Variants in STRN observed in about 807,000 individuals in gnomAD.
STRN encodes protein phosphatase 2 regulatory subunit B'''alpha.
Under a neutral mutation model 96.3 loss-of-function variants are expected in STRN, and 53 were observed. The observed-to-expected ratio is 0.55, with a 90% CI of 0.44 to 0.69. The LOEUF is 0.69. Among genes scored for constraint, STRN ranks in the 30% least tolerant of loss-of-function variants. The probability of loss-of-function intolerance (pLI) is 0.00; values close to 1 mark genes in which losing one functional copy is unlikely to be tolerated. For missense variants in STRN, 987 were observed against 963.9 expected, an observed-to-expected ratio of 1.02 and a Z score of -0.32; for synonymous variants, 428 against 355.9, an observed-to-expected ratio of 1.20 and a Z score of -2.28.
intron 9 of STRN, among the ~76,000 whole-genome samples, chr2:36,880,734 G>C (rs1669048781): frequency 6.6e-6 from 1 of 152,176 alleles, no homozygotes; most frequent in African/African-American, 2.4e-5. Flanking sequence ...TCTTCAGCCA[G>C]GTGTTTTTTG....
Position 36,849,700 on chromosome 2 carries a change from G to A in STRN, c.2173+14C>T, listed in dbSNP as rs781078571. 4 of 1,613,964 alleles carry A rather than the reference G, an allele frequency of 2.5e-6. No individual in the cohort carries two copies. The highest frequency in any genetic ancestry group is 3.4e-6 in the Non-Finnish European group (4 of 1,179,938). ...GGTAAGGACAAATAAATAATCCATAGTTGAGGTACTTACTGCCAGACATCA... is the reference window on the plus strand; with the variant it reads ...GGTAAGGACAAATAAATAATCCATAATTGAGGTACTTACTGCCAGACATCA... On this transcript the variant is annotated intron_variant, in intron 17 of 17. Coordinates refer to ENST00000263918, the MANE Select transcript of STRN (RefSeq NM_003162.4).
chr2:36,860,033 G>C (rs1376364837), intron 13 of STRN, among the ~76,000 whole-genome samples: 1 of 152,096 alleles, frequency 6.6e-6, no homozygotes, highest in African/African-American at 2.4e-5. Flanking sequence ...CTAAACAGAA[G>C]GCAGAGACGG....
At chr2:36,890,734 T>G (rs894733005) in intron 7 of STRN, among the ~76,000 whole-genome samples, 1 of 152,176 alleles carries the variant, frequency 6.6e-6, no homozygotes, top group Non-Finnish European at 1.5e-5. Flanking sequence ...TCCACCCGCC[T>G]CGGCCTCCCA....
intron 1 of STRN, among the ~76,000 whole-genome samples, chr2:36,950,721 G>T (rs984460790): frequency 2.0e-5 from 3 of 152,134 alleles, no homozygotes; most frequent in African/African-American, 7.2e-5. Context: ...AAAAAGCGTA[G>T]AATTTTTTAA....
In STRN at chr2:36,899,549, C is replaced by A; in HGVS notation, c.769G>T (p.Glu257Ter). 6.2e-7 allele frequency: 1 copy of A among 1,612,110 alleles called. No individual in the cohort carries two copies. The highest frequency in any genetic ancestry group is 1.1e-5 in the South Asian group (1 of 90,682). ...GTTGAAGTATCAATGACGCTTTTCT[C>A]TCTTCCATCAACATCATCATCTTCA... ...EDEDDDVDGR[E>*]KSVIDTSTIV... is the part of the protein sequence containing the mutation. Residue 257 changes from glutamate to a stop codon, truncating the protein, a stop_gained, in exon 6 of 18, where the codon GAG becomes TAG. Coordinates refer to ENST00000263918, the MANE Select transcript of STRN (RefSeq NM_003162.4). LOFTEE classifies it high-confidence loss of function.
In STRN at chr2:36,867,825, G is replaced by A. The variant is rs763151379; in HGVS notation, c.1536C>T (p.Phe512=). 3.9e-5 allele frequency: 62 copies of A among 1,584,784 alleles called. No homozygotes were observed. The highest frequency in any genetic ancestry group is 4.7e-5 in the Non-Finnish European group (55 of 1,167,134). ...AAACATATACTTACTTATGGGCTCT[G>A]AATGTATAGATAGGTTCTACATCAA... ...TSLDVEPIYT[F]RAHKGPVLCV... The change falls in exon 12 of 18, where the codon TTC becomes TTT. Residue 512 remains phenylalanine, a synonymous_variant. Transcript: ENST00000263918.
At position 36,894,178 on chromosome 2, in the gene STRN, T is replaced by A. The variant is rs1204033187; in HGVS notation, c.796-145A>T. On this transcript the variant is annotated intron_variant, in intron 6 of 17. Transcript: ENST00000263918. ...TAACTCAGTGAAAATCACATAGTTTTAAAAAATATGTACATTATAAATTTT... is the reference window on the plus strand; with the variant it reads ...TAACTCAGTGAAAATCACATAGTTTAAAAAAATATGTACATTATAAATTTT... 3 of 922,314 alleles carry A rather than the reference T, an allele frequency of 3.3e-6. No homozygotes were observed. The African/African-American group carries it at 5.1e-5, about 16-fold the overall frequency. 57.1% of individuals were successfully genotyped at this position (922,314 alleles called of 1,614,324 possible).
At chr2:36,873,278 AT>A (rs990651016) in intron 10 of STRN, among the ~76,000 whole-genome samples, 1 of 152,270 alleles carries the variant, frequency 6.6e-6, no homozygotes, top group African/African-American at 2.4e-5. Context: ...AACTTTTCAA[AT>A]AACAGTTTCT....
chr2:36,900,060 T>C (rs1669643403), intron 5 of STRN, among the ~76,000 whole-genome samples: 2 of 152,104 alleles, frequency 1.3e-5, no homozygotes, highest in African/African-American at 4.8e-5. Context: ...TGCTAATTTT[T>C]GTATTTTCAG....
Position 36,846,013 on chromosome 2 carries a change from C to G in STRN, c.*3443G>C, listed in dbSNP as rs1668066259. On this transcript the variant is annotated 3_prime_UTR_variant, in exon 18 of 18. Transcript: ENST00000263918. The stretch of plus-strand genomic sequence containing the variant: ...CCCCTCCCCAAACTCAATCTTCATC[C>G]TCACTGTAAGGCTGCATTTTTTTTT... 2 of 57,202 alleles carry G rather than the reference C, an allele frequency of 3.5e-5. No homozygotes were observed. Among genetic ancestry groups the G allele is most frequent in the Non-Finnish European group, 8.4e-5 (2 of 23,938 alleles). The allele number at this position is 57,202 out of a possible 1,614,324, so 3.5% of individuals were successfully genotyped here. A position where few individuals can be genotyped will look rare whatever the true frequency, so the allele number is the denominator to read the frequency against.
rs558521479 is a variant in STRN at position 36,839,905 on chromosome 2, G to C, written c.*9551C>G. 7.2e-5 allele frequency: 11 copies of C among 152,272 alleles called. No homozygotes were observed. The South Asian group carries it at 2.3e-3, about 32-fold the overall frequency. 9.4% of individuals were successfully genotyped at this position (152,272 alleles called of 1,614,324 possible). ...ATTCCTAAAACAATTGCACTGTTCA[G>C]CTAAAGCCCTGGGCCCTGCTGGAGT... On this transcript the variant is annotated 3_prime_UTR_variant, in exon 18 of 18. Coordinates refer to ENST00000263918, the MANE Select transcript of STRN (RefSeq NM_003162.4).
chr2:36,849,417 T>C lies in STRN; in HGVS notation c.*39A>G, dbSNP rs749451672. ...TCTGTATCTCTTGTGTGCAGTTGAT[T>C]ACTTATAAACAGCTAGAAGGTGAAG... On this transcript the variant is annotated 3_prime_UTR_variant, in exon 18 of 18. Transcript: ENST00000263918. 87 of 1,605,514 alleles carry C rather than the reference T, an allele frequency of 5.4e-5. No homozygotes were observed. Among genetic ancestry groups the C allele is most frequent in the Non-Finnish European group, 6.6e-5 (78 of 1,174,940 alleles).
Position 36,842,585 on chromosome 2 carries a change from G to C in STRN, c.*6871C>G, listed in dbSNP as rs1324815509. 1 of 152,150 alleles carries C rather than the reference G, an allele frequency of 6.6e-6. No homozygotes were observed. Among genetic ancestry groups the C allele is most frequent in the Non-Finnish European group, 1.5e-5 (1 of 68,030 alleles). The allele number at this position is 152,150 out of a possible 1,614,324, so 9.4% of individuals were successfully genotyped here. ...TCCTTCCTATCAGTAGGTTATTGCAGACTTTGCTCACCCAAATAATGACTT... is the reference window on the plus strand; with the variant it reads ...TCCTTCCTATCAGTAGGTTATTGCACACTTTGCTCACCCAAATAATGACTT... On this transcript the variant is annotated 3_prime_UTR_variant, in exon 18 of 18. Transcript: ENST00000263918.
chr2:36,939,025 C>T (rs1440115820), intron 1 of STRN, among the ~76,000 whole-genome samples: 4 of 151,214 alleles, frequency 2.6e-5, no homozygotes, highest in Admixed American at 6.6e-5. Context: ...CTTGCTCTGT[C>T]GCCAGGCTGG....
intron 1 of STRN, among the ~76,000 whole-genome samples, chr2:36,957,481 C>T (rs539592696): frequency 1.3e-5 from 2 of 151,950 alleles, no homozygotes; most frequent in South Asian, 2.1e-4. Flanking sequence ...CCAGCCACTC[C>T]GGAGGCTGAG....
chr2:36,875,749 C>A (rs1346712017), intron 10 of STRN, among the ~76,000 whole-genome samples: 1 of 151,500 alleles, frequency 6.6e-6, no homozygotes. Context: ...CTCTGCCTCC[C>A]GGGTTCACGC....
At chr2:36,868,188 T>C (rs1572633761) in intron 11 of STRN, among the ~76,000 whole-genome samples, 3 of 152,212 alleles carry the variant, frequency 2.0e-5, no homozygotes, top group South Asian at 2.1e-4. Flanking sequence ...CTGTCACTAA[T>C]TGGCTAACTT....
At chr2:36,956,773 A>G (rs1410983116) in intron 1 of STRN, among the ~76,000 whole-genome samples, 1 of 152,258 alleles carries the variant, frequency 6.6e-6, no homozygotes, top group Non-Finnish European at 1.5e-5. Context: ...CTAAATAGGC[A>G]CATCTCTTGA....
At chr2:36,881,405 G>A (rs906486378) in intron 9 of STRN, among the ~76,000 whole-genome samples, 2 of 151,962 alleles carry the variant, frequency 1.3e-5, no homozygotes, top group Non-Finnish European at 2.9e-5. Context: ...TGGGATTACA[G>A]GCGTGAGCAA....
Sources: gnomAD v4.1 joint callset for allele counts (sites outside exome capture counted in the v4.1 genomes callset) on GRCh38, gnomAD v4.1.1 for gene constraint, MANE v1.5 for transcripts, NCBI Gene and HGNC (gene_info 2026-07-23, HGNC 2026-07-21) for gene names.